Variants in PKP3 observed in about 807,000 individuals in gnomAD.
PKP3 encodes the protein plakophilin 3, also known as plakophilin-3.
In PKP3, 66 loss-of-function variants were observed where a neutral mutation model predicts 76.5. The observed-to-expected ratio is 0.86, with a 90% CI of 0.71 to 1.06. PKP3 has a LOEUF of 1.06. PKP3 is among the 50% of genes least tolerant of loss of function. PKP3 has a pLI of 0.00. For synonymous variants in PKP3, 638 were observed against 516.5 expected (o/e 1.24, Z -3.19); for missense variants, 1,338 against 1,141.0 (o/e 1.17, Z -2.49).
chr11:404,398 G>T lies in PKP3; in HGVS notation c.2358+75G>T. ...GACGCCGGGGGAGGGTCAGTGAAGAGGCCCATGGGAGGATGGAGACCAGGG... is the reference window on the plus strand; with the variant it reads ...GACGCCGGGGGAGGGTCAGTGAAGATGCCCATGGGAGGATGGAGACCAGGG... On this transcript the variant is annotated intron_variant, in intron 12 of 12. Coordinates refer to ENST00000331563, the MANE Select transcript of PKP3 (RefSeq NM_007183.4). This position sits in a 1 kb window ranked among gnomAD's most constrained non-coding sequence, Gnocchi z 4.2. 6.7e-7 allele frequency: 1 copy of T among 1,482,840 alleles called. No homozygotes were observed. Among genetic ancestry groups the T allele is most frequent in the Non-Finnish European group, 9.4e-7 (1 of 1,061,852 alleles). 91.9% of individuals were successfully genotyped at this position (1,482,840 alleles called of 1,614,324 possible).
intron 4 of PKP3, among the ~76,000 whole-genome samples, chr11:398,094 G>C (rs1366593061): frequency 3.8e-4 from 21 of 54,706 alleles, no homozygotes; most frequent in African/African-American, 7.6e-4. Flanking sequence ...CGTCACCTCC[G>C]TACCCCCGCA....
At chr11:392,706 C>A (rs1385036021), upstream of PKP3, 7 of 1,285,850 alleles carry the variant, frequency 5.4e-6, no homozygotes, top group Non-Finnish European at 7.1e-6. Context: ...GACCACGAGC[C>A]GGGTAGGTCT....
upstream of PKP3, among the ~76,000 whole-genome samples, chr11:393,771 G>A (rs546228464): frequency 6.6e-5 from 10 of 152,212 alleles, no homozygotes; most frequent in East Asian, 1.9e-3. Flanking sequence ...AGGAAGGCTG[G>A]GCTACCATGG....
chr11:399,060 C>G lies in PKP3; in HGVS notation c.1137C>G (p.Arg379=), dbSNP rs1847102507. ...ACCACGCCAACCAGGAAGTGCAGCG[C>G]CATGCCACAGGTGCCATGCGCAACC... ...LFNHANQEVQ[R]HATGAMRNLI... Residue 379 remains arginine (R), a synonymous_variant, in exon 5 of 13, where the codon CGC becomes CGG. Coordinates refer to ENST00000331563, the MANE Select transcript of PKP3 (RefSeq NM_007183.4). 1 of 1,610,756 alleles carries G rather than the reference C, an allele frequency of 6.2e-7. No homozygotes were observed. The highest frequency in any genetic ancestry group is 8.5e-7 in the Non-Finnish European group (1 of 1,178,672).
Position 400,627 on chromosome 11 carries a change from C to A in PKP3, c.1659C>A (p.Arg553=). 7.1e-7 allele frequency: 1 copy of A among 1,411,062 alleles called. No individual in the cohort carries two copies. The highest frequency in any genetic ancestry group is 1.5e-5 in the South Asian group (1 of 67,522). 87.4% of individuals were successfully genotyped at this position (1,411,062 alleles called of 1,614,324 possible). ...CCGCGCTGCAGCGGCTGGAGGGTCGCGGCCGCAGGGACCTGGCGGGGGCGC... is the reference window on the plus strand; with the variant it reads ...CCGCGCTGCAGCGGCTGGAGGGTCGAGGCCGCAGGGACCTGGCGGGGGCGC... ...PPSALQRLEG[R]GRRDLAGAPP... Residue 553 remains arginine (R), a synonymous_variant, in exon 8 of 13, where the codon CGC becomes CGA. Transcript: ENST00000331563.
chr11:397,034 C>G lies in PKP3; in HGVS notation c.533C>G (p.Thr178Arg), dbSNP rs1847057479. ...GTTGGGAGCCGGGCCGACTATGACA[C>G]ACTCTCCCTGCGCTCGCTGCGGCTG... ...GGVGSRADYD[T>R]LSLRSLRLGP... The change falls in exon 3 of 13, where the codon ACA becomes AGA. Residue 178 changes from threonine (T) to arginine (R), a missense_variant. Coordinates refer to ENST00000331563, the MANE Select transcript of PKP3 (RefSeq NM_007183.4). The G allele has an allele frequency of 6.3e-7, 1 of 1,599,786 alleles. No homozygotes were observed. The highest frequency in any genetic ancestry group is 2.2e-5 in the East Asian group (1 of 44,874).
rs1198245450 is a variant in PKP3, at chr11:403,021, CCCG to C, written c.1738-55_1738-53del. 1.6e-5 allele frequency: 11 copies of C among 700,004 alleles called. 1 individual carries two copies. The highest frequency in any genetic ancestry group is 2.1e-5 in the Non-Finnish European group (11 of 535,960). 43.4% of individuals were successfully genotyped at this position (700,004 alleles called of 1,614,324 possible). On this transcript the variant is annotated intron_variant, in intron 8 of 12. Coordinates refer to ENST00000331563, the MANE Select transcript of PKP3 (RefSeq NM_007183.4). ...CTCACACCCGACCCGCTCACCCCGA[CCCG>C]CTCACCCCGACCCGCTCACCCCGAC...
intron 8 of PKP3, 27 bp from the exon 9 acceptor site, chr11:403,038 GCTCACCCCGACCC>G: frequency 3.4e-6 from 1 of 295,216 alleles, no homozygotes; most frequent in Non-Finnish European, 4.3e-6. Flanking sequence ...ACCCCGACCC[GCTCACCCCGACCC>G]CGCCGACTCC....
upstream of PKP3, chr11:392,686 G>A (rs1218902283): frequency 7.8e-7 from 1 of 1,286,898 alleles, no homozygotes. Flanking sequence ...TGGGAGGCTG[G>A]CGGGATCCGG....
At chr11:398,487 T>C (rs12225521) in intron 4 of PKP3, among the ~76,000 whole-genome samples, 3 of 13,332 alleles carry the variant, frequency 2.3e-4, no homozygotes, top group Admixed American at 9.8e-4. Flanking sequence ...CACACACCTC[T>C]GTCACCTCCC....
upstream of PKP3, chr11:392,770 A>G (rs1298863177): frequency 1.2e-6 from 1 of 809,028 alleles, no homozygotes; most frequent in Non-Finnish European, 1.7e-6. Context: ...CCCGGGCCTC[A>G]CCCATCCTTT....
rs949636584 is a variant in PKP3 at position 403,357 on chromosome 11, C to T, written c.1923+94C>T. On this transcript the variant is annotated intron_variant, in intron 9 of 12. Coordinates refer to ENST00000331563, the MANE Select transcript of PKP3 (RefSeq NM_007183.4). The stretch of plus-strand genomic sequence containing the variant: ...GAGAGGGAGGGGAGGAGGAAGGGGA[C>T]GCCCAGGGTCCGCGGAGCCTCGGAG... 2.6e-5 allele frequency: 29 copies of T among 1,100,638 alleles called. 1 individual carries two copies. Among genetic ancestry groups the T allele is most frequent in the Admixed American group, 1.1e-4 (4 of 36,654 alleles). 68.2% of individuals were successfully genotyped at this position (1,100,638 alleles called of 1,614,324 possible).
chr11:393,254 A>G (rs7128938), upstream of PKP3, among the ~76,000 whole-genome samples: 112,670 of 147,908 alleles, frequency 0.76, 42,424 homozygotes, highest in East Asian at 1. Flanking sequence ...CACCCCCACC[A>G]GGGGCCCCCC....
In PKP3 at chr11:404,806, TG is replaced by T. The variant is rs1173529715; in HGVS notation, c.*241del. 28 of 566,524 alleles carry T rather than the reference TG, an allele frequency of 4.9e-5. No homozygotes were observed. Among genetic ancestry groups the T allele is most frequent in the Non-Finnish European group, 8.6e-5 (27 of 315,182 alleles). 35.1% of individuals were successfully genotyped at this position (566,524 alleles called of 1,614,324 possible). On this transcript the variant is annotated 3_prime_UTR_variant, in exon 13 of 13. Transcript: ENST00000331563. The surrounding 1 kb of genome is among the most constrained non-coding windows in gnomAD (Gnocchi z 4.2). ...CAGGGCTCAAGGCTGCTCTGGTGTA[TG>T]GGGTGGTGACCCAGTCACATTGGCA...
At chr11:399,891 A>T in intron 5 of PKP3, 76 bp from the exon 6 acceptor site, 1 of 1,223,792 alleles carries the variant, frequency 8.2e-7, no homozygotes, top group Admixed American at 2.2e-5. Context: ...GAGAGGCGGG[A>T]CCTCTTCACA....
rs1348471727 is a variant in PKP3 at position 404,406 on chromosome 11, G to A, written c.2358+83G>A. On this transcript the variant is annotated intron_variant, in intron 12 of 12. Coordinates refer to ENST00000331563, the MANE Select transcript of PKP3 (RefSeq NM_007183.4). This position sits in a 1 kb window ranked among gnomAD's most constrained non-coding sequence, Gnocchi z 4.2. Reference sequence around the variant, plus strand: ...GGGAGGGTCAGTGAAGAGGCCCATGGGAGGATGGAGACCAGGGACCCAGAG... The same window carrying A: ...GGGAGGGTCAGTGAAGAGGCCCATGAGAGGATGGAGACCAGGGACCCAGAG... 2 of 1,463,602 alleles carry A rather than the reference G, an allele frequency of 1.4e-6. No individual in the cohort carries two copies. Among genetic ancestry groups the A allele is most frequent in the Admixed American group, 3.4e-5 (2 of 59,692 alleles). The allele number at this position is 1,463,602 out of a possible 1,614,324, so 90.7% of individuals were successfully genotyped here.
At chr11:403,492 G>T (rs942805592) in intron 9 of PKP3, 126 bp from the exon 10 acceptor site, 1 of 987,684 alleles carries the variant, frequency 1.0e-6, no homozygotes, top group Non-Finnish European at 1.5e-6. Context: ...CCGGCTGGGG[G>T]GCAAAGGCAG....
Position 400,433 on chromosome 11 carries a change from G to A in PKP3, c.1548G>A (p.Ala516=), listed in dbSNP as rs1193416885. 23 of 1,546,854 alleles carry A rather than the reference G, an allele frequency of 1.5e-5. No individual in the cohort carries two copies. Among genetic ancestry groups the A allele is most frequent in the Non-Finnish European group, 2.0e-5 (23 of 1,145,576 alleles). The change falls in exon 7 of 13, where the codon GCG becomes GCA. Residue 516 remains alanine (A), a synonymous_variant. Transcript: ENST00000331563. ...LVTSINHALD[A]GKCEDKSVEN... ...CCTCTATCAACCACGCCCTGGACGC[G>A]GGCAAATGCGAGGACAAGGTGAGGG... is the stretch of plus-strand genomic sequence containing the variant.
At chr11:400,475 G>A (rs999730492) in intron 7 of PKP3, 24 bp downstream of exon 7, 1 of 1,523,842 alleles carries the variant, frequency 6.6e-7, no homozygotes, top group African/African-American at 1.4e-5. Flanking sequence ...TGTGGAGGAG[G>A]GGCCGTGCCC....
Sources: allele counts gnomAD v4.1 joint callset (sites outside exome capture counted in the v4.1 genomes callset), GRCh38; gene constraint gnomAD v4.1.1; non-coding constraint Gnocchi (gnomAD v3.1); transcripts MANE v1.5; gene names NCBI Gene and HGNC (gene_info 2026-07-23, HGNC 2026-07-21).